Variants in GGT5 observed in about 807,000 individuals in gnomAD.
The protein encoded by GGT5 is gamma-glutamyltransferase 5.
GGT5 carries 50 observed loss-of-function variants against 58.1 expected under a neutral mutation model. The ratio of observed to expected loss-of-function variants is 0.86; its 90% CI spans 0.69 to 1.09. The LOEUF (loss-of-function observed/expected upper bound fraction) is 1.09. Ranked by LOEUF, GGT5 falls within the 50% of genes least tolerant of loss-of-function variation. GGT5 has a pLI of 0.00. For synonymous variants in GGT5, 370 were observed against 346.1 expected (o/e 1.07, Z -0.77); for missense variants, 800 against 789.4 (o/e 1.01, Z -0.16).
intron 6 of GGT5, among the ~76,000 whole-genome samples, chr22:24,231,128 G>A (rs2047924110): frequency 6.6e-6 from 1 of 152,210 alleles, no homozygotes; most frequent in African/African-American, 2.4e-5. Flanking sequence ...CACCCAGTGG[G>A]AGGAGGACTC....
intron 1 of GGT5, chr22:24,242,339 C>T (rs1252505138): frequency 6.6e-6 from 1 of 152,098 alleles, no homozygotes; most frequent in Non-Finnish European, 1.5e-5. Context: ...TGACTCACTC[C>T]TGTAATCCCA....
rs2047534285 is a variant in GGT5, at chr22:24,219,752, G to A, written c.*218C>T. The A allele has an allele frequency of 1.2e-5, 7 of 567,034 alleles. No homozygotes were observed. Among genetic ancestry groups the A allele is most frequent in the Non-Finnish European group, 1.9e-5 (6 of 317,390 alleles). The allele number at this position is 567,034 out of a possible 1,614,324, so 35.1% of individuals were successfully genotyped here. A position where few individuals can be genotyped will look rare whatever the true frequency, so the allele number is the denominator to read the frequency against. On this transcript the variant is annotated 3_prime_UTR_variant, in exon 12 of 12. Transcript: ENST00000327365. ...GCAAGAGGCCTGCGGAGGGATAGAG[G>A]GGCCGGTTCAGGACCACCAGGGGCT...
chr22:24,226,581 G>A, intron 7 of GGT5, 50 bp downstream of exon 7: 2 of 1,600,320 alleles, frequency 1.2e-6, no homozygotes, highest in Non-Finnish European at 8.6e-7. Flanking sequence ...GCCAAGTCCT[G>A]AGCCAGGGAG....
intron 1 of GGT5, among the ~76,000 whole-genome samples, chr22:24,239,968 C>G (rs1243763082): frequency 2.0e-5 from 3 of 152,100 alleles, no homozygotes; most frequent in Non-Finnish European, 4.4e-5. Flanking sequence ...CACCAGTGGT[C>G]CCAGCTACTC....
At position 24,225,346 on chromosome 22, in the gene GGT5, G is replaced by A. The variant is rs771235441; in HGVS notation, c.1402C>T (p.Pro468Ser). 3.1e-6 allele frequency: 5 copies of A among 1,613,416 alleles called. No homozygotes were observed. Among genetic ancestry groups the A allele is most frequent in the South Asian group, 2.2e-5 (2 of 91,000 alleles). ...AAGATGGAGGGCACCATGGAGGATG[G>A]GGAACGCTCGCCTGGAACTGGGGGC... The part of the protein sequence containing the change: ...CWPPVPGERS[P>S]SSMVPSILIN... The change falls in exon 10 of 12, where the codon CCA becomes TCA. Residue 468 changes from proline (P) to serine (S), a missense_variant. Transcript: ENST00000327365.
At chr22:24,220,921 G>A (rs1425778158) in intron 11 of GGT5, among the ~76,000 whole-genome samples, 3 of 152,070 alleles carry the variant, frequency 2.0e-5, no homozygotes, top group African/African-American at 7.2e-5. Flanking sequence ...TGGTGGCCCT[G>A]TGCTTATAGT....
chr22:24,239,836 C>G (rs543013922), intron 1 of GGT5, among the ~76,000 whole-genome samples: 1 of 151,896 alleles, frequency 6.6e-6, no homozygotes, highest in Non-Finnish European at 1.5e-5. Context: ...AATCCCAACA[C>G]TTTAGGACGC....
At chr22:24,221,129 C>T (rs750142111) in intron 11 of GGT5, among the ~76,000 whole-genome samples, 17 of 152,288 alleles carry the variant, frequency 1.1e-4, no homozygotes, top group Middle Eastern at 3.4e-3. Flanking sequence ...CCCAGTTGTC[C>T]TTGCTCATTC....
intron 1 of GGT5, among the ~76,000 whole-genome samples, chr22:24,235,050 CTTTTTTTTTTTTT>C (rs71189232): frequency 1.3e-5 from 1 of 75,652 alleles, no homozygotes; most frequent in African/African-American, 5.4e-5. Context: ...AAGAAGCCAG[CTTTTTTTTTTTTT>C]TTTTTTTTTT....
At chr22:24,220,774 G>A in intron 11 of GGT5, 1 of 431,164 alleles carries the variant, frequency 2.3e-6, no homozygotes. Flanking sequence ...GCTCACACCT[G>A]TAATCCCAGC....
chr22:24,219,815 T>A lies in GGT5; in HGVS notation c.*155A>T. 1 of 683,528 alleles carries A rather than the reference T, an allele frequency of 1.5e-6. No individual in the cohort carries two copies. The allele number at this position is 683,528 out of a possible 1,614,324, so 42.3% of individuals were successfully genotyped here. On this transcript the variant is annotated 3_prime_UTR_variant, in exon 12 of 12. Transcript: ENST00000327365. ...GTTAGGGATGAGGCTCAGCCTCTCA[T>A]CTGCCCAGCTGGTCCCCGCCACCTC...
rs370556299 is a variant in GGT5 at position 24,244,749 on chromosome 22, G to A, written c.-24C>T. ...ATGGCTCTGCAGCCCAGGAGGAGAGGGGCGGCTGGTGGGCAGACGGAGGGA... is the reference window on the plus strand; with the variant it reads ...ATGGCTCTGCAGCCCAGGAGGAGAGAGGCGGCTGGTGGGCAGACGGAGGGA... On this transcript the variant is annotated 5_prime_UTR_variant, in exon 1 of 12. Transcript: ENST00000327365. 34 of 1,587,124 alleles carry A rather than the reference G, an allele frequency of 2.1e-5. No individual in the cohort carries two copies. Among genetic ancestry groups the A allele is most frequent in the Non-Finnish European group, 2.9e-5 (34 of 1,164,848 alleles).
rs1300825136 is a variant in GGT5 at position 24,244,923 on chromosome 22, A to T, written c.-198T>A. On this transcript the variant is annotated 5_prime_UTR_variant, in exon 1 of 12. Coordinates refer to ENST00000327365, the MANE Select transcript of GGT5 (RefSeq NM_004121.5). Reference sequence around the variant, plus strand: ...AGACAAAGAGGACAGTAAGAGAAAGATGGTCAGATAGACAATGGGACAGAG... The same window carrying T: ...AGACAAAGAGGACAGTAAGAGAAAGTTGGTCAGATAGACAATGGGACAGAG... 1.1e-6 allele frequency: 1 copy of T among 932,036 alleles called. No individual in the cohort carries two copies. Among genetic ancestry groups the T allele is most frequent in the African/African-American group, 1.7e-5 (1 of 60,014 alleles). The allele number at this position is 932,036 out of a possible 1,614,324, so 57.7% of individuals were successfully genotyped here.
At chr22:24,236,119 A>G (rs770603916) in intron 1 of GGT5, among the ~76,000 whole-genome samples, 2 of 152,198 alleles carry the variant, frequency 1.3e-5, no homozygotes, top group Non-Finnish European at 2.9e-5. Flanking sequence ...CCAGCTATGC[A>G]CAAGGTACCC....
intron 11 of GGT5, among the ~76,000 whole-genome samples, chr22:24,221,781 T>C (rs563003749): frequency 1.3e-5 from 2 of 152,058 alleles, no homozygotes; most frequent in African/African-American, 4.8e-5. Flanking sequence ...GCTGGGATTG[T>C]AGGCGGGAGC....
chr22:24,222,878 C>G (rs369542959), intron 11 of GGT5, among the ~76,000 whole-genome samples: 8 of 150,076 alleles, frequency 5.3e-5, no homozygotes, highest in Non-Finnish European at 1.2e-4. Context: ...GAGATCGAGA[C>G]CATCCTGGCT....
In GGT5 at chr22:24,232,884, CAG is replaced by C. The variant is rs765468584; in HGVS notation, c.533_534del (p.Pro178ArgfsTer135). The C allele has an allele frequency of 1.3e-6, 2 of 1,584,468 alleles. No homozygotes were observed. Among genetic ancestry groups the C allele is most frequent in the African/African-American group, 2.7e-5 (2 of 74,426 alleles). ...CTGTTGTGCAGGAAACGGCTGAGGA[CAG>C]GGGCCACCACATGCCCCCCTCGGAG... ...ALLRGGHVVA[P>X]VLSRFLHNSI... On this transcript the variant is annotated frameshift_variant, in exon 4 of 12. Transcript: ENST00000327365. LOFTEE classifies it high-confidence loss of function.
intron 11 of GGT5, 33 bp downstream of exon 11, chr22:24,224,963 G>A (rs2047704911): frequency 1.4e-6 from 2 of 1,395,892 alleles, no homozygotes; most frequent in Non-Finnish European, 2.0e-6. Flanking sequence ...AGTGGGCTCT[G>A]CCCTAGGCAT....
intron 6 of GGT5, among the ~76,000 whole-genome samples, chr22:24,228,146 G>A (rs560995170): frequency 2.1e-4 from 31 of 150,304 alleles, no homozygotes; most frequent in African/African-American, 6.1e-4. Context: ...CAAGTGCCCC[G>A]TTCTCGGCTG....
Sources: allele counts gnomAD v4.1 joint callset (sites outside exome capture counted in the v4.1 genomes callset), GRCh38; gene constraint gnomAD v4.1.1; transcripts MANE v1.5; gene names NCBI Gene and HGNC (gene_info 2026-07-23, HGNC 2026-07-21).